Variants in KATNIP observed in about 807,000 individuals in gnomAD.
KATNIP encodes katanin-interacting protein.
Under a neutral mutation model 174.0 loss-of-function variants are expected in KATNIP, and 126 were observed. That is an observed-to-expected ratio of 0.72 (90% CI 0.63 to 0.84). The LOEUF (loss-of-function observed/expected upper bound fraction) is 0.84. Among genes scored for constraint, KATNIP ranks in the 40% least tolerant of loss-of-function variants. KATNIP has a pLI of 0.00. For synonymous variants in KATNIP, 810 were observed against 835.7 expected, an observed-to-expected ratio of 0.97 and a Z score of 0.53; for missense variants, 1,958 against 2,109.7, an observed-to-expected ratio of 0.93 and a Z score of 1.41.
chr16:27,576,199 C>A (rs1377997950), intron 2 of KATNIP, among the ~76,000 whole-genome samples: 1 of 152,218 alleles, frequency 6.6e-6, no homozygotes, highest in Non-Finnish European at 1.5e-5. Context: ...CTCTGTCTCT[C>A]TCTAGCTACG....
intron 19 of KATNIP, 63 bp downstream of exon 19, chr16:27,761,653 C>G: frequency 1.4e-6 from 2 of 1,402,946 alleles, no homozygotes; most frequent in Non-Finnish European, 2.0e-6. Context: ...TGTTCTGCCT[C>G]TGAGACTTCA....
chr16:27,678,147 A>G (rs903424606), intron 7 of KATNIP, 151 bp downstream of exon 7: 1 of 882,850 alleles, frequency 1.1e-6, no homozygotes, highest in Non-Finnish European at 1.7e-6. Flanking sequence ...GTTGATTGCA[A>G]GACGCAGAGC....
At chr16:27,670,686 T>A (rs2077863345) in intron 6 of KATNIP, among the ~76,000 whole-genome samples, 1 of 152,160 alleles carries the variant, frequency 6.6e-6, no homozygotes, top group African/African-American at 2.4e-5. Flanking sequence ...TCCAGGCAGC[T>A]GGCTGTCCAG....
chr16:27,605,999 A>G (rs781070678), intron 2 of KATNIP, among the ~76,000 whole-genome samples: 3 of 152,096 alleles, frequency 2.0e-5, no homozygotes, highest in Non-Finnish European at 4.4e-5. Context: ...GCGTGGTGGC[A>G]GACGCCTGTA....
At chr16:27,560,305 A>T (rs1484740921) in intron 1 of KATNIP, among the ~76,000 whole-genome samples, 2 of 150,856 alleles carry the variant, frequency 1.3e-5, no homozygotes, top group South Asian at 2.1e-4. Context: ...AAAAAAAAAA[A>T]GGTAATTTCA....
At chr16:27,601,870 C>T (rs1260939779) in intron 2 of KATNIP, among the ~76,000 whole-genome samples, 1 of 152,192 alleles carries the variant, frequency 6.6e-6, no homozygotes, top group African/African-American at 2.4e-5. Flanking sequence ...GCCCTGCCTG[C>T]TGGGCTGGTG....
chr16:27,705,860 T>A (rs1412174072), intron 12 of KATNIP, among the ~76,000 whole-genome samples: 3 of 152,014 alleles, frequency 2.0e-5, no homozygotes, highest in Non-Finnish European at 4.4e-5. Context: ...AAAAATTTTG[T>A]AGAGATGAAT....
At chr16:27,754,767 TAG>T (rs2081652154) in intron 18 of KATNIP, 1 of 152,654 alleles carries the variant, frequency 6.6e-6, no homozygotes, top group African/African-American at 2.4e-5. Flanking sequence ...GTCGGAAATC[TAG>T]AGTCTTACGT....
At chr16:27,706,366 C>G (rs1428719187) in intron 12 of KATNIP, among the ~76,000 whole-genome samples, 2 of 152,204 alleles carry the variant, frequency 1.3e-5, no homozygotes, top group Admixed American at 6.5e-5. Context: ...GCCGAGGGGA[C>G]AGGACACATT....
chr16:27,749,451 G>A (rs1463715397), intron 15 of KATNIP, 133 bp from the exon 16 acceptor site: 12 of 1,065,006 alleles, frequency 1.1e-5, no homozygotes, highest in East Asian at 2.5e-5. Context: ...GAACAACCCC[G>A]CTGGTTTCTA....
intron 2 of KATNIP, among the ~76,000 whole-genome samples, chr16:27,579,329 C>G (rs1458685069): frequency 6.6e-6 from 1 of 152,146 alleles, no homozygotes; most frequent in Non-Finnish European, 1.5e-5. Context: ...GTCCTGAGGC[C>G]AAGCAGCTCT....
chr16:27,633,858 C>A (rs979745383), intron 5 of KATNIP, among the ~76,000 whole-genome samples: 2 of 152,156 alleles, frequency 1.3e-5, no homozygotes, highest in African/African-American at 4.8e-5. Flanking sequence ...GTTATAAACC[C>A]AGTGATCTTT....
chr16:27,684,788 A>ATGTCTC (rs2078464387), intron 8 of KATNIP, among the ~76,000 whole-genome samples: 1 of 152,164 alleles, frequency 6.6e-6, no homozygotes, highest in African/African-American at 2.4e-5. Context: ...TTCTCCATGT[A>ATGTCTC]TGTCTCTGTC....
At chr16:27,574,589 G>A (rs183706414) in intron 2 of KATNIP, among the ~76,000 whole-genome samples, 7 of 113,000 alleles carry the variant, frequency 6.2e-5, no homozygotes, top group African/African-American at 2.1e-4. Context: ...TTTTTGAGTC[G>A]AGTCACTCTC....
At chr16:27,638,534 G>A (rs1426727563) in intron 5 of KATNIP, among the ~76,000 whole-genome samples, 1 of 152,166 alleles carries the variant, frequency 6.6e-6, no homozygotes, top group African/African-American at 2.4e-5. Context: ...AGGCAGAGTG[G>A]TCAAGGCAGC....
chr16:27,734,585 T>C (rs1288579031), intron 14 of KATNIP, among the ~76,000 whole-genome samples: 1 of 152,024 alleles, frequency 6.6e-6, no homozygotes, highest in African/African-American at 2.4e-5. Flanking sequence ...TAATCCCAGC[T>C]ACTCGGGAGG....
At chr16:27,647,643 C>T (rs1379908117) in intron 5 of KATNIP, among the ~76,000 whole-genome samples, 1 of 151,974 alleles carries the variant, frequency 6.6e-6, no homozygotes, top group East Asian at 1.9e-4. Flanking sequence ...GTAGCTGGGA[C>T]TACAGGCATG....
chr16:27,721,483 A>G (rs1597293196), intron 13 of KATNIP, 75 bp from the exon 14 acceptor site: 15 of 1,583,384 alleles, frequency 9.5e-6, no homozygotes, highest in Non-Finnish European at 1.3e-5. Context: ...TCGTGAGCCA[A>G]AGAGCCGCTG....
At chr16:27,754,373 C>T (rs2081635528) in intron 18 of KATNIP, 122 bp downstream of exon 18, 1 of 801,224 alleles carries the variant, frequency 1.2e-6, no homozygotes, top group African/African-American at 1.7e-5. Flanking sequence ...TGTACAGAGA[C>T]ACCAGGCCAT....
Sources: gnomAD v4.1 joint callset for allele counts (sites outside exome capture counted in the v4.1 genomes callset) on GRCh38, gnomAD v4.1.1 for gene constraint, MANE v1.5 for transcripts, NCBI Gene and HGNC (gene_info 2026-07-23, HGNC 2026-07-21) for gene names.